GRAMD1B: variants seen among roughly 807,000 people sequenced by gnomAD.
GRAMD1B encodes the protein GRAM domain containing 1B.
Under a neutral mutation model 99.7 loss-of-function variants are expected in GRAMD1B, and 37 were observed. That is an observed-to-expected ratio of 0.37 (90% CI 0.29 to 0.49). The LOEUF (loss-of-function observed/expected upper bound fraction) is 0.49. Among genes scored for constraint, GRAMD1B ranks in the 20% least tolerant of loss-of-function variants. The pLI, the probability that GRAMD1B is intolerant of heterozygous loss-of-function variation, is 0.98. For missense variants in GRAMD1B, 888 were observed against 1,009.2 expected (o/e 0.88, Z 1.63); for synonymous variants, 427 against 387.6 (o/e 1.10, Z -1.19).
chr11:123,525,657 G>T, intron 2 of GRAMD1B: 1 of 178,572 alleles, frequency 5.6e-6, no homozygotes, highest in Non-Finnish European at 1.2e-5. Context: ...AGCTGCGGGA[G>T]CTGCCGCCTG....
At chr11:123,434,167 T>C (rs1591523187) in intron 1 of GRAMD1B, among the ~76,000 whole-genome samples, 1 of 137,260 alleles carries the variant, frequency 7.3e-6, no homozygotes, top group Admixed American at 8.4e-5. Context: ...GAGGTGGAGG[T>C]TGCAGTGAGC....
At chr11:123,622,446 G>A (rs1182083934) in intron 19 of GRAMD1B, 60 bp from the exon 20 acceptor site, 12 of 1,015,802 alleles carry the variant, frequency 1.2e-5, no homozygotes, top group East Asian at 2.6e-5. Context: ...AGGGCTGCTC[G>A]GTGGAGAATC....
intron 17 of GRAMD1B, among the ~76,000 whole-genome samples, chr11:123,617,832 G>C (rs892280201): frequency 6.6e-6 from 1 of 150,934 alleles, no homozygotes; most frequent in African/African-American, 2.4e-5. Context: ...CTGAGAGAAG[G>C]AGAGAATTTC....
At chr11:123,412,301 A>C (rs550045406) in intron 1 of GRAMD1B, among the ~76,000 whole-genome samples, 22 of 152,244 alleles carry the variant, frequency 1.4e-4, no homozygotes, top group Admixed American at 2.6e-4. Context: ...AATAATAATT[A>C]TTGCTGTTAA....
chr11:123,440,876 A>G (rs1949374102), intron 1 of GRAMD1B, among the ~76,000 whole-genome samples: 1 of 152,082 alleles, frequency 6.6e-6, no homozygotes, highest in Non-Finnish European at 1.5e-5. Context: ...GTGGGAGGTA[A>G]TTGAATCATG....
chr11:123,380,993 T>C (rs1271871482), intron 1 of GRAMD1B, among the ~76,000 whole-genome samples: 1 of 152,142 alleles, frequency 6.6e-6, no homozygotes, highest in Non-Finnish European at 1.5e-5. Flanking sequence ...TTTCATGTTT[T>C]TTTTCTCTTC....
At chr11:123,583,878 C>A (rs1223525458) in intron 3 of GRAMD1B, among the ~76,000 whole-genome samples, 1 of 152,160 alleles carries the variant, frequency 6.6e-6, no homozygotes, top group Non-Finnish European at 1.5e-5. Context: ...CCCCTTTCTA[C>A]CTCGAAAGTG....
Position 123,560,289 on chromosome 11 carries a change from G to C in GRAMD1B, c.453-17078G>C, listed in dbSNP as rs981862019. The C allele has an allele frequency of 2.6e-6, 3 of 1,143,262 alleles. No homozygotes were observed. The East Asian group carries it at 1.9e-4, about 74-fold the overall frequency. 70.8% of individuals were successfully genotyped at this position (1,143,262 alleles called of 1,614,324 possible). ...GCTCAGAACAGCTGTCTGTGAGGGA[G>C]TCAGAGGGAGAGAGAGAAAGGGAGC... On this transcript the variant is annotated intron_variant, in intron 2 of 19. Transcript: ENST00000635736.
Position 123,589,188 on chromosome 11 carries a change from C to T in GRAMD1B, c.684+4856C>T, listed in dbSNP as rs1047191453. Among the ~76,000 whole-genome samples, 6 of 151,720 alleles carry T rather than the reference C, an allele frequency of 4.0e-5. No homozygotes were observed. The East Asian group carries it at 7.9e-4, about 20-fold the overall frequency. On this transcript the variant is annotated intron_variant, in intron 4 of 19. Coordinates refer to ENST00000635736, the MANE Select transcript of GRAMD1B (RefSeq NM_001387025.1). The stretch of plus-strand genomic sequence containing the variant: ...ATGTTTTCAGATTAGGGATGCTCAA[C>T]CTGTCCTTGAAACATATCACGGCAA...
intron 19 of GRAMD1B, among the ~76,000 whole-genome samples, chr11:123,620,203 G>A (rs1348829237): frequency 1.3e-5 from 2 of 152,186 alleles, no homozygotes; most frequent in African/African-American, 4.8e-5. Flanking sequence ...GCCGGGTGTG[G>A]TGGGTCACGC....
chr11:123,620,472 CA>C (rs55787871), intron 19 of GRAMD1B, among the ~76,000 whole-genome samples: 762 of 69,140 alleles, frequency 0.011, 1 homozygote, highest in African/African-American at 0.038. Context: ...GACTTCATCT[CA>C]AAAAAAAAAA....
chr11:123,404,297 C>A (rs952341460), intron 1 of GRAMD1B, among the ~76,000 whole-genome samples: 1 of 152,148 alleles, frequency 6.6e-6, no homozygotes, highest in African/African-American at 2.4e-5. Context: ...CAGTAATCTT[C>A]TATCATTTCT....
At chr11:123,431,478 T>G (rs948003) in intron 1 of GRAMD1B, among the ~76,000 whole-genome samples, 1 of 152,084 alleles carries the variant, frequency 6.6e-6, no homozygotes, top group Non-Finnish European at 1.5e-5. Context: ...TAATAGTTAT[T>G]GAGCCCTTAC....
intron 2 of GRAMD1B, chr11:123,526,170 T>G (rs1320100913): frequency 1.2e-5 from 20 of 1,612,716 alleles, no homozygotes; most frequent in Non-Finnish European, 1.7e-5. Flanking sequence ...CAAGCTCTCC[T>G]GGTAAGTAGA....
chr11:123,527,313 C>A (rs1003057922), intron 2 of GRAMD1B, among the ~76,000 whole-genome samples: 1 of 152,192 alleles, frequency 6.6e-6, no homozygotes, highest in Non-Finnish European at 1.5e-5. Flanking sequence ...CACCCCTACC[C>A]TAGATTAAAC....
intron 1 of GRAMD1B, among the ~76,000 whole-genome samples, chr11:123,422,893 T>C (rs1485680547): frequency 1.3e-5 from 2 of 152,090 alleles, no homozygotes; most frequent in Non-Finnish European, 2.9e-5. Context: ...ACATTTCTCC[T>C]GAAGTAAATT....
Position 123,591,366 on chromosome 11 carries a change from G to A in GRAMD1B, c.685-2716G>A, listed in dbSNP as rs1426381029. 2.0e-5 allele frequency: 8 copies of A among 399,018 alleles called. No homozygotes were observed. Among genetic ancestry groups the A allele is most frequent in the African/African-American group, 6.2e-5 (3 of 48,630 alleles). The allele number at this position is 399,018 out of a possible 1,614,324, so 24.7% of individuals were successfully genotyped here. A position where few individuals can be genotyped will look rare whatever the true frequency, so the allele number is the denominator to read the frequency against. On this transcript the variant is annotated intron_variant, in intron 4 of 19. Transcript: ENST00000635736. This position sits in a 1 kb window ranked among gnomAD's most constrained non-coding sequence, Gnocchi z 4.7. ...GGAGTCAGTGCTCAGGGAGCCAGGCGTCGTTGGGAGGGGCAGCCGTGCTGG... is the reference window on the plus strand; with the variant it reads ...GGAGTCAGTGCTCAGGGAGCCAGGCATCGTTGGGAGGGGCAGCCGTGCTGG...
chr11:123,466,337 G>A (rs1045596774), intron 1 of GRAMD1B, among the ~76,000 whole-genome samples: 9 of 123,032 alleles, frequency 7.3e-5, no homozygotes, highest in African/African-American at 2.3e-4. Context: ...AAAGAAAGAA[G>A]GAAGGAAGGA....
At chr11:123,611,970 G>C (rs180858188) in intron 14 of GRAMD1B, among the ~76,000 whole-genome samples, 11 of 152,332 alleles carry the variant, frequency 7.2e-5, no homozygotes, top group African/African-American at 2.4e-4. Flanking sequence ...TGATACTGCA[G>C]GGGGTATGGA....
Sources: gnomAD v4.1 joint callset for allele counts (sites outside exome capture counted in the v4.1 genomes callset) on GRCh38, gnomAD v4.1.1 for gene constraint, Gnocchi (gnomAD v3.1) non-coding constraint, MANE v1.5 for transcripts, NCBI Gene and HGNC (gene_info 2026-07-23, HGNC 2026-07-21) for gene names.